TMEM201: variants seen among roughly 807,000 people sequenced by gnomAD.
TMEM201 encodes the protein transmembrane protein 201, also known as RP13-15M17.2.
A neutral mutation model predicts 63.4 loss-of-function variants in TMEM201; 26 were observed. That is an observed-to-expected ratio of 0.41 (90% confidence interval 0.30 to 0.57). The LOEUF (loss-of-function observed/expected upper bound fraction) is 0.57. Ranked by LOEUF, TMEM201 falls within the 20% of genes least tolerant of loss-of-function variation. The pLI is 0.29. For synonymous variants in TMEM201, 417 were observed against 421.6 expected (o/e 0.99, Z 0.14); for missense variants, 794 against 917.7 (o/e 0.87, Z 1.74).
At position 9,595,903 on chromosome 1, in the gene TMEM201, C is replaced by T. The variant is rs1372040352; in HGVS notation, c.127C>T (p.His43Tyr). 1 of 1,613,590 alleles carries T rather than the reference C, an allele frequency of 6.2e-7. No individual in the cohort carries two copies. The highest frequency in any genetic ancestry group is 8.5e-7 in the Non-Finnish European group (1 of 1,180,000). The change falls in exon 2 of 11, where the codon CAC becomes TAC. Residue 43 changes from histidine (H) to tyrosine (Y), a missense_variant. By Grantham distance (83) the His-to-Tyr change is moderately conservative. Coordinates refer to ENST00000340381, the MANE Select transcript of TMEM201 (RefSeq NM_001130924.3). ...CTTGGTCCACAGGATGAAGCCAACG[C>T]ACACGATGGTCAACTGCTGGTTCTG... ...YRIARRMKPTHTMVNCWFCNQ... is the reference protein window; with the variant it reads ...YRIARRMKPTYTMVNCWFCNQ...
intron 6 of TMEM201, among the ~76,000 whole-genome samples, chr1:9,606,855 C>G (rs933291717): frequency 3.3e-5 from 5 of 152,196 alleles, no homozygotes; most frequent in Non-Finnish European, 5.9e-5. Flanking sequence ...GTGGATGGGT[C>G]TCTTCTAAGT....
At chr1:9,612,865 TCAGAGAGTACCCTGGG>T in intron 10 of TMEM201, 105 bp from the exon 11 acceptor site, 1 of 832,630 alleles carries the variant, frequency 1.2e-6, no homozygotes. Context: ...CTCACCAGTC[TCAGAGAGTACCCTGGG>T]CAGAGCCTTG....
rs1027394667 is a variant in TMEM201, at chr1:9,603,986, G to A, written c.1160+1714G>A. On this transcript the variant is annotated intron_variant, in intron 6 of 10. Coordinates refer to ENST00000340381, the MANE Select transcript of TMEM201 (RefSeq NM_001130924.3). This position sits in a 1 kb window ranked among gnomAD's most constrained non-coding sequence, Gnocchi z 4.5. ...GGAGTTGGGGCGGGTGAGCCAAAGC[G>A]GCCCCCCATGGTGTCTACCTGAGGG... 20 of 985,300 alleles carry A rather than the reference G, an allele frequency of 2.0e-5. No individual in the cohort carries two copies. Among genetic ancestry groups the A allele is most frequent in the African/African-American group, 8.7e-5 (5 of 57,222 alleles). The allele number at this position is 985,300 out of a possible 1,614,324, so 61.0% of individuals were successfully genotyped here. A position where few individuals can be genotyped will look rare whatever the true frequency, so the allele number is the denominator to read the frequency against.
chr1:9,610,811 G>A lies in TMEM201; in HGVS notation c.1765+6G>A. ...GGACGTGAAGCACGCCCTGGGTACG[G>A]CCTTCTGACCACCCCAAGGGGCCGT... is the stretch of plus-strand genomic sequence containing the variant. On this transcript the variant is annotated splice_donor_region_variant and intron_variant, in intron 9 of 10. Transcript: ENST00000340381. This position sits in a 1 kb window ranked among gnomAD's most constrained non-coding sequence, Gnocchi z 4.9. The A allele has an allele frequency of 6.5e-7, 1 of 1,533,686 alleles. No homozygotes were observed. Among genetic ancestry groups the A allele is most frequent in the Non-Finnish European group, 8.8e-7 (1 of 1,136,154 alleles).
At position 9,602,503 on chromosome 1, in the gene TMEM201, C is replaced by T. The variant is rs992107447; in HGVS notation, c.1160+231C>T. The stretch of plus-strand genomic sequence containing the variant: ...CCAGCCATCCCCGAGTGCCCTGTAG[C>T]CACTCACCACTGCTGCCACCTCTCT... On this transcript the variant is annotated intron_variant, in intron 6 of 10. Transcript: ENST00000340381. 20 of 1,413,890 alleles carry T rather than the reference C, an allele frequency of 1.4e-5. No individual in the cohort carries two copies. The South Asian group carries it at 3.0e-4, about 21-fold the overall frequency. The allele number at this position is 1,413,890 out of a possible 1,614,324, so 87.6% of individuals were successfully genotyped here.
At chr1:9,597,115 G>A in intron 3 of TMEM201, 62 bp downstream of exon 3, 1 of 1,534,836 alleles carries the variant, frequency 6.5e-7, no homozygotes, top group South Asian at 1.2e-5. Context: ...GAGCAGCCGG[G>A]GGACAGGCAC....
At chr1:9,591,522 T>C (rs1031838826) in intron 1 of TMEM201, among the ~76,000 whole-genome samples, 1 of 152,252 alleles carries the variant, frequency 6.6e-6, no homozygotes, top group African/African-American at 2.4e-5. Context: ...TAGGCCTCCC[T>C]GTCCCCTGGA....
intron 8 of TMEM201, 26 bp downstream of exon 8, chr1:9,609,937 G>A (rs1160619887): frequency 6.5e-7 from 1 of 1,549,928 alleles, no homozygotes; most frequent in East Asian, 2.4e-5. Context: ...AGCTAAGTGG[G>A]GGACGGGGCA....
intron 4 of TMEM201, among the ~76,000 whole-genome samples, chr1:9,600,127 C>G (rs752052498): frequency 6.6e-6 from 1 of 152,088 alleles, no homozygotes; most frequent in Non-Finnish European, 1.5e-5. Context: ...TCAATCAGAC[C>G]CAGGTCACAT....
chr1:9,611,622 G>C lies in TMEM201; in HGVS notation c.1766-131G>C, dbSNP rs4641334. The C allele has an allele frequency of 0.018, 21,405 of 1,181,534 alleles. 2,524 individuals carry two copies. In the African/African-American group the frequency reaches 0.27, roughly 15 times the overall value. The allele number at this position is 1,181,534 out of a possible 1,614,324, so 73.2% of individuals were successfully genotyped here. A position where few individuals can be genotyped will look rare whatever the true frequency, so the allele number is the denominator to read the frequency against. ...GACCTGGCCCCCCACTGTCCAGGGT[G>C]GATGAGTGGCTTGGGACAGCCTGGC... On this transcript the variant is annotated intron_variant, in intron 9 of 10. Transcript: ENST00000340381.
chr1:9,606,927 C>G (rs937887429), intron 6 of TMEM201, among the ~76,000 whole-genome samples: 8 of 152,180 alleles, frequency 5.3e-5, no homozygotes, highest in African/African-American at 9.7e-5. Context: ...GGCTGCCCCC[C>G]AGTTCTGCTC....
Position 9,602,219 on chromosome 1 carries a change from G to C in TMEM201, c.1107G>C (p.Thr369=). 6.2e-7 allele frequency: 1 copy of C among 1,612,614 alleles called. No homozygotes were observed. The highest frequency in any genetic ancestry group is 1.1e-5 in the South Asian group (1 of 91,064). The change falls in exon 6 of 11, where the codon ACG becomes ACC. Residue 369 remains threonine (T), a synonymous_variant. Transcript: ENST00000340381. ...TTSLCCLVGF[T]AAVATRKATG... Reference sequence around the variant, plus strand: ...CTTTGTGCTGCCTGGTTGGCTTCACGGCGGCTGTGGCCACAAGGAAGGCAA... The same window carrying C: ...CTTTGTGCTGCCTGGTTGGCTTCACCGCGGCTGTGGCCACAAGGAAGGCAA...
intron 1 of TMEM201, among the ~76,000 whole-genome samples, chr1:9,592,172 A>G (rs1427792199): frequency 6.6e-6 from 1 of 152,188 alleles, no homozygotes; most frequent in Non-Finnish European, 1.5e-5. Context: ...TCTGAGTTGC[A>G]TTTTGATGCT....
chr1:9,598,105 C>A (rs768169030), intron 3 of TMEM201, among the ~76,000 whole-genome samples: 1 of 152,218 alleles, frequency 6.6e-6, no homozygotes, highest in Non-Finnish European at 1.5e-5. Context: ...CCCGCAGCCA[C>A]CTTCCCCCAT....
At position 9,596,778 on chromosome 1, in the gene TMEM201, G is replaced by A. The variant is rs1000687587; in HGVS notation, c.235-81G>A. ...AGATCTACCATCACTTGCCTGGAGC[G>A]GGGCGGGCCCCCAGGGACATCACCA... is the stretch of plus-strand genomic sequence containing the variant. On this transcript the variant is annotated intron_variant, in intron 2 of 10. Transcript: ENST00000340381. 106 of 1,397,412 alleles carry A rather than the reference G, an allele frequency of 7.6e-5. 1 individual carries two copies. The highest frequency in any genetic ancestry group is 2.0e-4 in the Admixed American group (9 of 45,878). The allele number at this position is 1,397,412 out of a possible 1,614,324, so 86.6% of individuals were successfully genotyped here.
At chr1:9,594,988 C>T (rs1238603429) in intron 1 of TMEM201, among the ~76,000 whole-genome samples, 6 of 152,214 alleles carry the variant, frequency 3.9e-5, no homozygotes, top group South Asian at 2.1e-4. Context: ...CAAGCGGTGT[C>T]CTCGAGCTGG....
At chr1:9,589,563 G>T (rs1213106309) in intron 1 of TMEM201, among the ~76,000 whole-genome samples, 2 of 152,262 alleles carry the variant, frequency 1.3e-5, no homozygotes, top group Non-Finnish European at 2.9e-5. Flanking sequence ...GATGGAATCT[G>T]CAGGGCAGAC....
At position 9,607,963 on chromosome 1, in the gene TMEM201, A is replaced by G. The variant is rs182167564; in HGVS notation, c.1393+174A>G. Among the ~76,000 whole-genome samples, 49 of 152,316 alleles carry G rather than the reference A, an allele frequency of 3.2e-4. No homozygotes were observed. Among genetic ancestry groups the G allele is most frequent in the Middle Eastern group, 3.4e-3 (1 of 294 alleles). On this transcript the variant is annotated intron_variant, in intron 7 of 10. Transcript: ENST00000340381. The surrounding 1 kb of genome is among the most constrained non-coding windows in gnomAD (Gnocchi z 5.4). ...CCCAAAGAAATGGGGCTAGCTAGGA[A>G]TAGGTGGCTCATGCCTTTAATCCCA...
In TMEM201 at chr1:9,610,971, G is replaced by C; in HGVS notation, c.1765+166G>C. On this transcript the variant is annotated intron_variant, in intron 9 of 10. Transcript: ENST00000340381. The surrounding 1 kb of genome is among the most constrained non-coding windows in gnomAD (Gnocchi z 4.9). ...CGGCTCTGGTGACTTGAACCCTCTG[G>C]GACATTGACCTCTAATGGCTGATTT... is the stretch of plus-strand genomic sequence containing the variant. The C allele has an allele frequency of 6.6e-7, 1 of 1,525,964 alleles. No homozygotes were observed. Among genetic ancestry groups the C allele is most frequent in the Non-Finnish European group, 8.8e-7 (1 of 1,141,206 alleles). 94.5% of individuals were successfully genotyped at this position (1,525,964 alleles called of 1,614,324 possible).
Sources: allele counts gnomAD v4.1 joint callset (sites outside exome capture counted in the v4.1 genomes callset), GRCh38; gene constraint gnomAD v4.1.1; non-coding constraint Gnocchi (gnomAD v3.1); transcripts MANE v1.5; gene names NCBI Gene and HGNC (gene_info 2026-07-23, HGNC 2026-07-21).